CLIC5: variants seen among roughly 807,000 people sequenced by gnomAD.
The protein encoded by CLIC5 is CLIC family member 5.
A neutral mutation model predicts 24.7 loss-of-function variants in CLIC5; 20 were observed. The ratio of observed to expected loss-of-function variants is 0.81; its 90% CI spans 0.57 to 1.18. The LOEUF (loss-of-function observed/expected upper bound fraction) is 1.18, where lower values mean the gene tolerates loss of function less well. Ranked by LOEUF, CLIC5 falls within the 50% of genes most tolerant of loss-of-function variation. The pLI, the probability that CLIC5 is intolerant of heterozygous loss-of-function variation, is 0.00. For synonymous variants in CLIC5, 159 were observed against 135.6 expected (o/e 1.17, Z -1.20); for missense variants, 341 against 326.1 (o/e 1.05, Z -0.35).
chr6:45,952,888 G>A (rs35376655), intron 2 of CLIC5, among the ~76,000 whole-genome samples: 4,579 of 152,214 alleles, frequency 0.03, 137 homozygotes, highest in South Asian at 0.14. Context: ...TCATAAGTCT[G>A]CTGCTCTCTT....
intron 5 of CLIC5, among the ~76,000 whole-genome samples, chr6:45,906,406 T>G (rs999020256): frequency 6.6e-6 from 1 of 152,134 alleles, no homozygotes; most frequent in African/African-American, 2.4e-5. Flanking sequence ...GTTTTATAGC[T>G]CCCCTTGTAG....
chr6:46,110,004 C>T, the CLIC5 span, among the ~76,000 whole-genome samples: 2 of 152,114 alleles, frequency 1.3e-5, no homozygotes, highest in Admixed American at 6.5e-5. Flanking sequence ...TAAAATCCCT[C>T]GTGGCTTGGA....
At chr6:45,976,021 A>G (rs1351968992) in intron 1 of CLIC5, among the ~76,000 whole-genome samples, 17 of 152,198 alleles carry the variant, frequency 1.1e-4, no homozygotes, top group Non-Finnish European at 1.6e-4. Flanking sequence ...ATGCTCCCCT[A>G]AGAAGTGGGG....
intron 2 of CLIC5, among the ~76,000 whole-genome samples, chr6:45,954,801 T>C (rs1305142464): frequency 6.6e-6 from 1 of 152,226 alleles, no homozygotes; most frequent in Non-Finnish European, 1.5e-5. Context: ...CCACGGATGA[T>C]GGCCTTAGTA....
chr6:45,995,960 C>T (rs1766121550), intron 1 of CLIC5, among the ~76,000 whole-genome samples: 1 of 151,900 alleles, frequency 6.6e-6, no homozygotes, highest in Non-Finnish European at 1.5e-5. Flanking sequence ...ACACTGGGGA[C>T]TGTTGAGGGC....
the CLIC5 span, among the ~76,000 whole-genome samples, chr6:46,092,950 T>G: frequency 6.6e-6 from 1 of 152,208 alleles, no homozygotes; most frequent in Non-Finnish European, 1.5e-5. Context: ...TCAATTTCTC[T>G]TATTTAAATT....
At chr6:46,088,093 T>C in the CLIC5 span, among the ~76,000 whole-genome samples, 3 of 149,632 alleles carry the variant, frequency 2.0e-5, no homozygotes, top group African/African-American at 4.8e-5. Context: ...TCCAAAGACA[T>C]CTGGGAAGTT....
At chr6:46,035,591 G>A (rs1767636096) in intron 1 of CLIC5, among the ~76,000 whole-genome samples, 1 of 152,144 alleles carries the variant, frequency 6.6e-6, no homozygotes, top group African/African-American at 2.4e-5. Context: ...CACACAGTCT[G>A]CATCTCCTCT....
At chr6:46,046,754 G>T (rs957832901) in intron 1 of CLIC5, among the ~76,000 whole-genome samples, 1 of 152,200 alleles carries the variant, frequency 6.6e-6, no homozygotes, top group African/African-American at 2.4e-5. Context: ...GGAGGTGTTT[G>T]TTCCTAACAG....
the CLIC5 span, among the ~76,000 whole-genome samples, chr6:46,115,140 A>C: frequency 1.6e-4 from 25 of 152,280 alleles, no homozygotes; most frequent in African/African-American, 6.0e-4. Context: ...GATAGTTGGA[A>C]ACCATGATGC....
downstream of CLIC5, among the ~76,000 whole-genome samples, chr6:45,896,240 G>C (rs1762391861): frequency 6.6e-6 from 1 of 152,170 alleles, no homozygotes; most frequent in South Asian, 2.1e-4. Context: ...GTATTTTCTG[G>C]TTATTGGCTT....
At chr6:46,075,849 C>T (rs1188564118) in intron 1 of CLIC5, among the ~76,000 whole-genome samples, 5 of 152,168 alleles carry the variant, frequency 3.3e-5, no homozygotes, top group Non-Finnish European at 7.3e-5. Context: ...CGCACATTTT[C>T]TGAGAAGGGG....
upstream of CLIC5, among the ~76,000 whole-genome samples, chr6:46,016,734 T>C (rs1474154668): frequency 1.3e-5 from 2 of 152,172 alleles, no homozygotes; most frequent in Non-Finnish European, 2.9e-5. Flanking sequence ...TAGAAGCTCC[T>C]CCTGCTCTCT....
intron 5 of CLIC5, chr6:45,912,535 G>A: frequency 1.4e-6 from 2 of 1,381,072 alleles, no homozygotes; most frequent in Non-Finnish European, 1.9e-6. Context: ...AGGAAAAGAA[G>A]GCAAGAAGGA....
At chr6:45,881,951 T>C (rs1762266377) in intron 6 of CLIC5, among the ~76,000 whole-genome samples, 1 of 147,528 alleles carries the variant, frequency 6.8e-6, no homozygotes, top group Non-Finnish European at 1.5e-5. Context: ...CCCCAGTGTT[T>C]ACATAGTCAG....
At chr6:45,987,311 C>G (rs1765777127) in intron 1 of CLIC5, among the ~76,000 whole-genome samples, 1 of 152,194 alleles carries the variant, frequency 6.6e-6, no homozygotes, top group African/African-American at 2.4e-5. Context: ...AAGTTAGATT[C>G]CAGTTGGTGT....
chr6:46,123,859 G>C, the CLIC5 span, among the ~76,000 whole-genome samples: 2 of 152,126 alleles, frequency 1.3e-5, no homozygotes, highest in African/African-American at 4.8e-5. Context: ...AAAATACCTA[G>C]AATTCCAGCT....
At chr6:46,018,464 G>A (rs547095903), upstream of CLIC5, among the ~76,000 whole-genome samples, 1 of 152,226 alleles carries the variant, frequency 6.6e-6, no homozygotes, top group East Asian at 1.9e-4. Flanking sequence ...ATAACTTATA[G>A]TTTTGATATT....
chr6:46,081,911 C>G (rs765181422), upstream of CLIC5, among the ~76,000 whole-genome samples: 1 of 152,144 alleles, frequency 6.6e-6, no homozygotes, highest in African/African-American at 2.4e-5. Flanking sequence ...CACACTGTCC[C>G]TTCCCTGCTC....
Sources: gnomAD v4.1 joint callset for allele counts (sites outside exome capture counted in the v4.1 genomes callset) on GRCh38, gnomAD v4.1.1 for gene constraint, MANE v1.5 for transcripts, NCBI Gene and HGNC (gene_info 2026-07-23, HGNC 2026-07-21) for gene names.